CDK14: variants seen among roughly 807,000 people sequenced by gnomAD.
CDK14 encodes cyclin dependent kinase 14, also known as cyclin-dependent kinase 14.
Under a neutral mutation model 60.7 loss-of-function variants are expected in CDK14, and 34 were observed. The observed-to-expected ratio is 0.56, with a 90% CI of 0.43 to 0.75. The LOEUF is 0.75. CDK14 is among the 30% of genes least tolerant of loss of function. The probability of loss-of-function intolerance (pLI) is 0.00; values close to 1 mark genes in which losing one functional copy is unlikely to be tolerated. For missense variants in CDK14, 482 were observed against 564.1 expected, an observed-to-expected ratio of 0.85 and a Z score of 1.47; for synonymous variants, 197 against 203.7, an observed-to-expected ratio of 0.97 and a Z score of 0.28.
At chr7:90,941,390 C>T (rs1273087430) in intron 8 of CDK14, among the ~76,000 whole-genome samples, 2 of 152,268 alleles carry the variant, frequency 1.3e-5, no homozygotes, top group Non-Finnish European at 2.9e-5. Context: ...TTCTTTATGG[C>T]TTGGTCTCTT....
At chr7:91,121,282 G>A (rs1419570657) in intron 14 of CDK14, among the ~76,000 whole-genome samples, 1 of 152,180 alleles carries the variant, frequency 6.6e-6, no homozygotes, top group Non-Finnish European at 1.5e-5. Flanking sequence ...TCTTTGTAAT[G>A]CCTAGAGAGA....
At chr7:91,197,105 G>A (rs1000150247) in intron 14 of CDK14, among the ~76,000 whole-genome samples, 4 of 152,086 alleles carry the variant, frequency 2.6e-5, no homozygotes, top group Admixed American at 1.3e-4. Flanking sequence ...AGAACCAAAA[G>A]TCCCAAATCC....
At chr7:90,792,198 CT>C (rs35700270) in intron 5 of CDK14, among the ~76,000 whole-genome samples, 2,865 of 143,520 alleles carry the variant, frequency 0.02, 87 homozygotes, top group African/African-American at 0.067. Flanking sequence ...CTGTGCCTGC[CT>C]TTTTTTTTTT....
chr7:91,009,405 A>G (rs1796087066), intron 10 of CDK14, among the ~76,000 whole-genome samples: 1 of 152,200 alleles, frequency 6.6e-6, no homozygotes, highest in African/African-American at 2.4e-5. Flanking sequence ...GGAAAGCTCA[A>G]TCAATACGGT....
At chr7:90,619,878 C>T (rs1432435874) in intron 2 of CDK14, among the ~76,000 whole-genome samples, 1 of 152,170 alleles carries the variant, frequency 6.6e-6, no homozygotes, top group East Asian at 1.9e-4. Flanking sequence ...AGCCCGTAGT[C>T]CCAGCTACTT....
chr7:91,201,058 GTAAT>G (rs1802701046), intron 14 of CDK14, among the ~76,000 whole-genome samples: 1 of 152,074 alleles, frequency 6.6e-6, no homozygotes, highest in African/African-American at 2.4e-5. Flanking sequence ...TTGAAAGCAT[GTAAT>G]TAATTGCGTG....
At chr7:91,005,355 T>A (rs1466845264) in intron 10 of CDK14, among the ~76,000 whole-genome samples, 1 of 152,200 alleles carries the variant, frequency 6.6e-6, no homozygotes, top group Non-Finnish European at 1.5e-5. Context: ...TCCAGCACCA[T>A]CTACGGACAA....
intron 2 of CDK14, chr7:90,709,864 T>A: frequency 1.5e-6 from 2 of 1,371,532 alleles, no homozygotes; most frequent in Non-Finnish European, 1.9e-6. Flanking sequence ...GTGAATTCAG[T>A]TGCTGTATGA....
intron 14 of CDK14, among the ~76,000 whole-genome samples, chr7:91,127,120 T>C (rs1799973653): frequency 6.6e-6 from 1 of 152,056 alleles, no homozygotes. Flanking sequence ...TAATACCCAA[T>C]AGGGAAAATG....
At chr7:91,069,387 C>T (rs974498003) in intron 11 of CDK14, among the ~76,000 whole-genome samples, 2 of 151,854 alleles carry the variant, frequency 1.3e-5, no homozygotes, top group Non-Finnish European at 2.9e-5. Context: ...TAGATAAATA[C>T]ATAATTAGTC....
intron 14 of CDK14, among the ~76,000 whole-genome samples, chr7:91,187,276 A>G (rs1802219361): frequency 6.6e-6 from 1 of 152,352 alleles, no homozygotes; most frequent in Non-Finnish European, 1.5e-5. Context: ...GACAGCTGCT[A>G]CAATGTCAGC....
intron 7 of CDK14, among the ~76,000 whole-genome samples, chr7:90,917,301 TAA>T (rs1046155258): frequency 6.6e-6 from 1 of 152,138 alleles, no homozygotes; most frequent in African/African-American, 2.4e-5. Context: ...AAATCAATTA[TAA>T]AAAAATTGAT....
intron 14 of CDK14, among the ~76,000 whole-genome samples, chr7:91,169,897 C>T (rs1801461797): frequency 6.6e-6 from 1 of 152,156 alleles, no homozygotes; most frequent in South Asian, 2.1e-4. Flanking sequence ...TAGCATTGTG[C>T]TTTATAATTC....
At chr7:91,128,787 C>G (rs1279209371) in intron 14 of CDK14, among the ~76,000 whole-genome samples, 2 of 152,054 alleles carry the variant, frequency 1.3e-5, no homozygotes, top group Admixed American at 1.3e-4. Context: ...CATTGCCTAC[C>G]CTTTTCTCCA....
intron 5 of CDK14, among the ~76,000 whole-genome samples, chr7:90,805,762 T>C (rs1169286552): frequency 6.6e-6 from 1 of 152,090 alleles, no homozygotes; most frequent in African/African-American, 2.4e-5. Context: ...CAGCTTTTTG[T>C]AGAAATTGGC....
intron 14 of CDK14, among the ~76,000 whole-genome samples, chr7:91,128,900 A>C (rs1644047153): frequency 6.6e-6 from 1 of 152,002 alleles, no homozygotes; most frequent in African/African-American, 2.4e-5. Context: ...CTCTCCATTA[A>C]CTAATTGCTG....
chr7:90,791,946 A>G (rs1805848914), intron 5 of CDK14, among the ~76,000 whole-genome samples: 1 of 142,296 alleles, frequency 7.0e-6, no homozygotes, highest in Admixed American at 7.5e-5. Context: ...TCTGTCACCC[A>G]GGCTGGAGTG....
chr7:91,146,852 A>G (rs752371146), intron 14 of CDK14, among the ~76,000 whole-genome samples: 9 of 152,052 alleles, frequency 5.9e-5, no homozygotes, highest in Non-Finnish European at 1.2e-4. Context: ...ACCTTCTTCC[A>G]TCTGCCTCCT....
chr7:90,837,759 A>G (rs1790158560), intron 5 of CDK14, among the ~76,000 whole-genome samples: 3 of 152,134 alleles, frequency 2.0e-5, no homozygotes, highest in African/African-American at 4.8e-5. Flanking sequence ...GGTCAGGGGA[A>G]GGTGGGCAGA....
Sources: gnomAD v4.1 joint callset for allele counts (sites outside exome capture counted in the v4.1 genomes callset) on GRCh38, gnomAD v4.1.1 for gene constraint, MANE v1.5 for transcripts, NCBI Gene and HGNC (gene_info 2026-07-23, HGNC 2026-07-21) for gene names.